Variants in ADAR observed in about 807,000 individuals in gnomAD.
ADAR encodes the protein double-stranded RNA-specific adenosine deaminase.
In ADAR, 41 loss-of-function variants were observed where a neutral mutation model predicts 113.2. That is an observed-to-expected ratio of 0.36 (90% CI 0.28 to 0.47). The LOEUF (loss-of-function observed/expected upper bound fraction) is 0.47. Ranked by LOEUF, ADAR falls within the 20% of genes least tolerant of loss-of-function variation. The probability of loss-of-function intolerance (pLI) is 1.00; values close to 1 mark genes in which losing one functional copy is unlikely to be tolerated. For synonymous variants in ADAR, 605 were observed against 572.6 expected, an observed-to-expected ratio of 1.06 and a Z score of -0.81; for missense variants, 1,242 against 1,540.9, an observed-to-expected ratio of 0.81 and a Z score of 3.25.
intron 1 of ADAR, among the ~76,000 whole-genome samples, chr1:154,625,483 G>A (rs1698905871): frequency 6.6e-6 from 1 of 152,236 alleles, no homozygotes; most frequent in Non-Finnish European, 1.5e-5. Context: ...ATAATATTTA[G>A]TGCACTCAGT....
At chr1:154,616,689 G>A (rs934687229) in intron 1 of ADAR, among the ~76,000 whole-genome samples, 2 of 152,082 alleles carry the variant, frequency 1.3e-5, no homozygotes, top group African/African-American at 2.4e-5. Context: ...AAGAAGCTAG[G>A]GCTATACAAG....
At chr1:154,613,904 CAA>C (rs1553216901) in intron 1 of ADAR, among the ~76,000 whole-genome samples, 7 of 124,198 alleles carry the variant, frequency 5.6e-5, no homozygotes, top group Admixed American at 8.1e-5. Flanking sequence ...AACTCCATCT[CAA>C]AAAAAAAAAA....
In ADAR at chr1:154,598,598, T is replaced by C. The variant is rs199663265; in HGVS notation, c.1602-13A>G. On this transcript the variant is annotated splice_polypyrimidine_tract_variant and intron_variant, in intron 2 of 14. Coordinates refer to ENST00000368474, the MANE Select transcript of ADAR (RefSeq NM_001111.5). ...CTGGAATTTAAATCTTGACGGAAAGTGATTAGATGTGTGAACAGGAGTCTA... is the reference window on the plus strand; with the variant it reads ...CTGGAATTTAAATCTTGACGGAAAGCGATTAGATGTGTGAACAGGAGTCTA... The C allele has an allele frequency of 3.7e-6, 6 of 1,613,778 alleles. No individual in the cohort carries two copies. The highest frequency in any genetic ancestry group is 4.5e-5 in the East Asian group (2 of 44,878).
At chr1:154,586,434 C>T in intron 11 of ADAR, 71 bp from the exon 12 acceptor site, 1 of 1,484,638 alleles carries the variant, frequency 6.7e-7, no homozygotes, top group Non-Finnish European at 9.3e-7. Flanking sequence ...GGTTTCTATC[C>T]TCCTTAAGCT....
At chr1:154,617,623 ATTG>A (rs1160385353) in intron 1 of ADAR, among the ~76,000 whole-genome samples, 2 of 152,156 alleles carry the variant, frequency 1.3e-5, no homozygotes, top group Admixed American at 1.3e-4. Context: ...TACCATTACC[ATTG>A]TTATTTTCCT....
At position 154,608,132 on chromosome 1, in the gene ADAR, G is replaced by A; in HGVS notation, c.-126C>T. 2.4e-6 allele frequency: 3 copies of A among 1,259,616 alleles called. No individual in the cohort carries two copies. Among genetic ancestry groups the A allele is most frequent in the South Asian group, 1.7e-5 (1 of 59,258 alleles). The allele number at this position is 1,259,616 out of a possible 1,614,324, so 78.0% of individuals were successfully genotyped here. On this transcript the variant is annotated 5_prime_UTR_variant, in exon 1 of 15. The change creates a new upstream start codon in the 5' untranslated region. Coordinates refer to ENST00000368474, the MANE Select transcript of ADAR (RefSeq NM_001111.5). ...TCCGCACTGGAAGTGGCCCCGGGGC[G>A]TCGGCACGGGAAACTCCGCGGGTCT...
chr1:154,608,209 A>T (rs1478114694), upstream of ADAR: 1 of 602,110 alleles, frequency 1.7e-6, no homozygotes, highest in Non-Finnish European at 2.7e-6. Context: ...GTTTCCTCGG[A>T]AAGCCTTCCC....
intron 6 of ADAR, among the ~76,000 whole-genome samples, chr1:154,596,404 C>A (rs1697497762): frequency 6.6e-6 from 1 of 152,206 alleles, no homozygotes; most frequent in East Asian, 1.9e-4. Flanking sequence ...CCACGCCCAG[C>A]TAATTTTTGT....
At chr1:154,589,223 G>A in intron 9 of ADAR, 146 bp downstream of exon 9, 1 of 716,258 alleles carries the variant, frequency 1.4e-6, no homozygotes, top group Non-Finnish European at 2.5e-6. Flanking sequence ...AGGTTCAAAT[G>A]GACGGGTGAA....
At chr1:154,585,604 T>C (rs774043175) in intron 13 of ADAR, 149 bp downstream of exon 13, 3 of 879,502 alleles carry the variant, frequency 3.4e-6, no homozygotes, top group African/African-American at 1.7e-5. Context: ...CCAACCAATG[T>C]TGGTGGTGGG....
At chr1:154,598,105 A>G in intron 3 of ADAR, 129 bp from the exon 4 acceptor site, 1 of 1,110,870 alleles carries the variant, frequency 9.0e-7, no homozygotes, top group Non-Finnish European at 1.3e-6. Context: ...CCAAAGTTAA[A>G]GGGGCTGCTG....
chr1:154,618,656 C>A (rs927163567), intron 1 of ADAR, among the ~76,000 whole-genome samples: 1 of 151,550 alleles, frequency 6.6e-6, no homozygotes, highest in Admixed American at 6.6e-5. Context: ...GATGAGGAAC[C>A]AAAAACAGCA....
At position 154,585,363 on chromosome 1, in the gene ADAR, AC is replaced by A; in HGVS notation, c.3316-20del. On this transcript the variant is annotated intron_variant, in intron 13 of 14. Coordinates refer to ENST00000368474, the MANE Select transcript of ADAR (RefSeq NM_001111.5). ...TGCCAACCTAGGAATCCCAGAAGCA[AC>A]GGGAGAAAGATGGAAACCTTTCAGG... The A allele has an allele frequency of 6.2e-7, 1 of 1,614,060 alleles. No homozygotes were observed. The highest frequency in any genetic ancestry group is 8.5e-7 in the Non-Finnish European group (1 of 1,179,970).
intron 7 of ADAR, 49 bp downstream of exon 7, chr1:154,590,135 A>AGGCGGTGGG: frequency 8.3e-7 from 1 of 1,205,046 alleles, no homozygotes; most frequent in Non-Finnish European, 1.2e-6. Context: ...CTTAGGAGTT[A>AGGCGGTGGG]GGAGGACCCC....
At chr1:154,609,904 G>T (rs1327343418), upstream of ADAR, among the ~76,000 whole-genome samples, 1 of 152,126 alleles carries the variant, frequency 6.6e-6, no homozygotes, top group African/African-American at 2.4e-5. Context: ...CTCTAGAATT[G>T]TCAAGTCATC....
intron 6 of ADAR, among the ~76,000 whole-genome samples, chr1:154,596,039 A>G (rs912156530): frequency 3.3e-5 from 5 of 152,216 alleles, no homozygotes. Context: ...CGGCCATACC[A>G]TACAGCCTGT....
upstream of ADAR, chr1:154,608,345 T>G: frequency 2.8e-6 from 1 of 352,662 alleles, no homozygotes; most frequent in Non-Finnish European, 5.1e-6. Flanking sequence ...TTTTTTTTTT[T>G]GAGGCGGAGT....
At chr1:154,597,658 C>T (rs1697588496) in intron 4 of ADAR, among the ~76,000 whole-genome samples, 170 bp downstream of exon 4, 1 of 152,196 alleles carries the variant, frequency 6.6e-6, no homozygotes, top group African/African-American at 2.4e-5. Flanking sequence ...AATTCCTAAT[C>T]CCTAATTGTC....
chr1:154,602,687 G>A, intron 1 of ADAR, 61 bp from the exon 2 acceptor site: 1 of 1,593,402 alleles, frequency 6.3e-7, no homozygotes, highest in Non-Finnish European at 8.5e-7. Flanking sequence ...AACCTGTGGA[G>A]GCCCCTCCCT....
Sources: allele counts gnomAD v4.1 joint callset (sites outside exome capture counted in the v4.1 genomes callset), GRCh38; gene constraint gnomAD v4.1.1; transcripts MANE v1.5; gene names NCBI Gene and HGNC (gene_info 2026-07-23, HGNC 2026-07-21).